VPS33A: variants seen among roughly 807,000 people sequenced by gnomAD.
VPS33A encodes VPS33A core subunit of CORVET and HOPS complexes.
In VPS33A, 32 loss-of-function variants were observed where a neutral mutation model predicts 71.8. That is an observed-to-expected ratio of 0.45 (90% CI 0.34 to 0.60). The LOEUF (loss-of-function observed/expected upper bound fraction) is 0.60, where lower values mean the gene tolerates loss of function less well. Among genes scored for constraint, VPS33A ranks in the 20% least tolerant of loss-of-function variants. VPS33A has a pLI of 0.02. For missense variants in VPS33A, 625 were observed against 748.5 expected, an observed-to-expected ratio of 0.84 and a Z score of 1.92; for synonymous variants, 311 against 292.7, an observed-to-expected ratio of 1.06 and a Z score of -0.64.
intron 5 of VPS33A, 30 bp from the exon 6 acceptor site, chr12:122,250,075 C>T (rs760378220): frequency 1.3e-6 from 2 of 1,560,006 alleles, no homozygotes; most frequent in Non-Finnish European, 1.7e-6. Flanking sequence ...TGAGGTGGGG[C>T]CCCCCTGGGA....
intron 10 of VPS33A, 152 bp from the exon 11 acceptor site, chr12:122,236,075 G>T: frequency 1.1e-6 from 1 of 879,238 alleles, no homozygotes; most frequent in Non-Finnish European, 1.7e-6. Context: ...CAGAGGACAG[G>T]GTGGAGGGAT....
At chr12:122,246,268 G>A (rs1226146930) in intron 6 of VPS33A, among the ~76,000 whole-genome samples, 1 of 151,962 alleles carries the variant, frequency 6.6e-6, no homozygotes, top group African/African-American at 2.4e-5. Flanking sequence ...GCTTAGGTGG[G>A]AGGATCTCTC....
chr12:122,250,871 A>C, intron 5 of VPS33A, 112 bp downstream of exon 5: 1 of 775,050 alleles, frequency 1.3e-6, no homozygotes, highest in Non-Finnish European at 2.2e-6. Context: ...TGAGTACAGT[A>C]TTCATAAATA....
chr12:122,247,897 CTATTT>C (rs775876906), intron 6 of VPS33A, among the ~76,000 whole-genome samples: 2 of 151,910 alleles, frequency 1.3e-5, no homozygotes, highest in African/African-American at 2.4e-5. Context: ...AAATTTTCAC[CTATTT>C]TATTATTTTT....
chr12:122,266,285 G>A, intron 1 of VPS33A, 22 bp downstream of exon 1: 2 of 1,605,878 alleles, frequency 1.2e-6, no homozygotes, highest in Non-Finnish European at 1.7e-6. Context: ...CGAGGGCGGT[G>A]TCGCTGCCTC....
In VPS33A at chr12:122,250,029, A is replaced by G; in HGVS notation, c.617T>C (p.Met206Thr). 6.2e-7 allele frequency: 1 copy of G among 1,611,208 alleles called. No homozygotes were observed. Among genetic ancestry groups the G allele is most frequent in the South Asian group, 1.1e-5 (1 of 90,472 alleles). The change falls in exon 6 of 13, where the codon ATG (methionine) becomes ACG (threonine). Residue 206 changes from methionine to threonine, a missense_variant. Physicochemically the swap from Met to Thr is moderately conservative, Grantham distance 81 (BLOSUM62 -1). Transcript: ENST00000267199. ...TGTAAACTCTCTCTTCATCCTGATC[A>G]TCATATTGGCCACTTGCTGGAAACA... ...GECARQVANM[M>T]IRMKREFTGS...
intron 4 of VPS33A, among the ~76,000 whole-genome samples, chr12:122,260,436 AC>A (rs1401444886): frequency 6.6e-6 from 1 of 151,886 alleles, no homozygotes; most frequent in Non-Finnish European, 1.5e-5. Context: ...AATAGCTGGG[AC>A]CACAGGGACC....
intron 1 of VPS33A, among the ~76,000 whole-genome samples, chr12:122,266,017 G>A (rs1269229310): frequency 6.6e-6 from 1 of 152,228 alleles, no homozygotes; most frequent in East Asian, 1.9e-4. Context: ...TCGGCAGGCA[G>A]CGGAGGAAAC....
At chr12:122,245,877 A>C (rs191865021) in intron 6 of VPS33A, among the ~76,000 whole-genome samples, 79 of 152,308 alleles carry the variant, frequency 5.2e-4, no homozygotes, top group African/African-American at 1.6e-3. Flanking sequence ...ACTTTGTAAC[A>C]AGCAAAAGCC....
At chr12:122,259,175 G>GTGTA (rs1361143652) in intron 4 of VPS33A, among the ~76,000 whole-genome samples, 2 of 129,192 alleles carry the variant, frequency 1.5e-5, no homozygotes, top group Non-Finnish European at 3.3e-5. Context: ...GTGTGTGTGT[G>GTGTA]TGTATGTATG....
chr12:122,231,900 T>C lies in VPS33A; in HGVS notation c.*346A>G, dbSNP rs12816400. The C allele has an allele frequency of 0.26, 97,604 of 375,038 alleles. 15,561 individuals carry two copies. Among genetic ancestry groups the C allele is most frequent in the East Asian group, 0.6 (15,844 of 26,328 alleles). 23.2% of individuals were successfully genotyped at this position (375,038 alleles called of 1,614,324 possible). A position where few individuals can be genotyped will look rare whatever the true frequency, so the allele number is the denominator to read the frequency against. On this transcript the variant is annotated 3_prime_UTR_variant, in exon 13 of 13. Coordinates refer to ENST00000267199, the MANE Select transcript of VPS33A (RefSeq NM_022916.6). ...GGTGAAACACCATGGCTACTAAAAA[T>C]ACAAAAATTAGCCGGGTGTGGTGGT...
At chr12:122,247,594 C>T (rs931957892) in intron 6 of VPS33A, among the ~76,000 whole-genome samples, 12 of 152,330 alleles carry the variant, frequency 7.9e-5, no homozygotes, top group African/African-American at 2.9e-4. Context: ...ATGTCTCTCT[C>T]TCCGTCACCC....
intron 8 of VPS33A, among the ~76,000 whole-genome samples, chr12:122,241,751 C>A (rs772844047): frequency 2.0e-5 from 3 of 151,900 alleles, no homozygotes; most frequent in Non-Finnish European, 4.4e-5. Context: ...TGCCACCATG[C>A]CCAGCTAATT....
intron 4 of VPS33A, among the ~76,000 whole-genome samples, chr12:122,252,034 G>A (rs1026441880): frequency 6.6e-6 from 1 of 152,060 alleles, no homozygotes; most frequent in African/African-American, 2.4e-5. Flanking sequence ...GAGATAGGAG[G>A]ATTGCTTGAG....
chr12:122,232,691 A>G (rs1173900279), intron 12 of VPS33A, 109 bp downstream of exon 12: 11 of 1,387,216 alleles, frequency 7.9e-6, no homozygotes, highest in Non-Finnish European at 1.1e-5. Flanking sequence ...AAAGAGGTGT[A>G]TTTAATTCTG....
At chr12:122,236,030 T>C (rs1285203346) in intron 10 of VPS33A, 107 bp from the exon 11 acceptor site, 11 of 1,394,410 alleles carry the variant, frequency 7.9e-6, no homozygotes, top group South Asian at 1.5e-5. Flanking sequence ...CTGCAGGACA[T>C]GTTACCAAAG....
In VPS33A at chr12:122,239,476, C is replaced by T. The variant is rs1431233959; in HGVS notation, c.1164+402G>A. On this transcript the variant is annotated intron_variant, in intron 9 of 12. Coordinates refer to ENST00000267199, the MANE Select transcript of VPS33A (RefSeq NM_022916.6). The stretch of plus-strand genomic sequence containing the variant: ...AGTGGCCGGGCGCAGTGACTCACGC[C>T]TGTAATCCCAACAGTTTGGGAGGCC... 7.9e-5 allele frequency among the ~76,000 whole-genome samples: 12 copies of T among 152,268 alleles called. No individual in the cohort carries two copies. The South Asian group carries it at 1.9e-3, about 24-fold the overall frequency.
chr12:122,232,739 C>T, intron 12 of VPS33A, 61 bp downstream of exon 12: 1 of 1,550,024 alleles, frequency 6.5e-7, no homozygotes, highest in African/African-American at 1.4e-5. Flanking sequence ...AGCAACTGTA[C>T]AATACCTGAA....
intron 3 of VPS33A, among the ~76,000 whole-genome samples, chr12:122,262,889 T>C (rs1955015790): frequency 6.6e-6 from 1 of 152,156 alleles, no homozygotes; most frequent in African/African-American, 2.4e-5. Flanking sequence ...ATGAGATGTT[T>C]TGATGTGGGC....
Sources: gnomAD v4.1 joint callset for allele counts (sites outside exome capture counted in the v4.1 genomes callset) on GRCh38, gnomAD v4.1.1 for gene constraint, MANE v1.5 for transcripts, NCBI Gene and HGNC (gene_info 2026-07-23, HGNC 2026-07-21) for gene names.